The following RPP14 variants were observed in gnomAD, a reference collection of about 807,000 sequenced individuals.
The protein encoded by RPP14 is ribonuclease P/MRP subunit p14, also known as ribonuclease P protein subunit p14.
RPP14 carries 19 observed loss-of-function variants against 17.8 expected under a neutral mutation model. The observed-to-expected ratio is 1.07, with a 90% CI of 0.74 to 1.57. The LOEUF (loss-of-function observed/expected upper bound fraction) is 1.57, where lower values mean the gene tolerates loss of function less well. RPP14 is among the 40% of genes most tolerant of loss of function. The probability of loss-of-function intolerance (pLI) is 0.00; values close to 1 mark genes in which losing one functional copy is unlikely to be tolerated. For synonymous variants in RPP14, 60 were observed against 56.4 expected (o/e 1.06, Z -0.29); for missense variants, 125 against 140.8 (o/e 0.89, Z 0.57).
At position 58,310,569 on chromosome 3, in the gene RPP14, C is replaced by T; in HGVS notation, c.140C>T (p.Ala47Val). ...AAQFKQLLIS[A>V]VKDLFGEVDA... ...CAGTTCAAACAGCTGCTTATTTCGG[C>T]TGTGAAGGACCTGTTTGGGGAGGTA... The change falls in exon 3 of 6, where the codon GCT (alanine) becomes GTT (valine). Residue 47 changes from alanine to valine, a missense_variant. Physicochemically the swap from Ala to Val is moderately conservative, Grantham distance 64. Transcript: ENST00000295959. 6.2e-7 allele frequency: 1 copy of T among 1,612,574 alleles called. No individual in the cohort carries two copies.
intron 3 of RPP14, among the ~76,000 whole-genome samples, chr3:58,311,769 A>G (rs1159996572): frequency 2.6e-5 from 4 of 151,352 alleles, no homozygotes; most frequent in Non-Finnish European, 4.4e-5. Context: ...ATGAGCCACT[A>G]TGCCCAGCTG....
At chr3:58,310,033 C>T (rs6790485) in intron 1 of RPP14, 1 of 339,462 alleles carries the variant, frequency 2.9e-6, no homozygotes, top group Admixed American at 4.5e-5. Flanking sequence ...AACCCTGTCT[C>T]TACAAAAAAT....
chr3:58,306,695 C>G (rs960611562), intron 1 of RPP14: 5 of 152,284 alleles, frequency 3.3e-5, no homozygotes, highest in African/African-American at 1.2e-4. Context: ...GAAAGCCACC[C>G]AAGTGCTCAG....
At chr3:58,317,016 T>C (rs1398631636) in intron 5 of RPP14, 23 bp downstream of exon 5, 1 of 1,571,272 alleles carries the variant, frequency 6.4e-7, no homozygotes, top group African/African-American at 1.4e-5. Flanking sequence ...CCCTCACATA[T>C]TCCAAACAAG....
rs894946036 is a variant in RPP14, at chr3:58,317,086, T to C, written c.318+93T>C. ...CAACTCATTTTTGTGCTTGCATAAA[T>C]GTAATATGGTTAAAATGATCTAAGT... On this transcript the variant is annotated intron_variant, in intron 5 of 5. Coordinates refer to ENST00000295959, the MANE Select transcript of RPP14 (RefSeq NM_007042.6). The C allele has an allele frequency of 1.1e-5, 10 of 897,964 alleles. No individual in the cohort carries two copies. In the African/African-American group the frequency reaches 1.7e-4, roughly 15 times the overall value. 55.6% of individuals were successfully genotyped at this position (897,964 alleles called of 1,614,324 possible).
intron 1 of RPP14, chr3:58,306,673 T>C (rs2097475262): frequency 6.6e-6 from 1 of 152,242 alleles, no homozygotes; most frequent in Admixed American, 6.5e-5. Flanking sequence ...ATAGTGGTTG[T>C]TGAAAAATAT....
intron 3 of RPP14, among the ~76,000 whole-genome samples, chr3:58,313,344 CATT>C (rs1429237488): frequency 1.3e-5 from 2 of 152,156 alleles, no homozygotes; most frequent in African/African-American, 4.8e-5. Context: ...TGATTCAACT[CATT>C]ATTTTGTCAT....
intron 5 of RPP14, 149 bp from the exon 6 acceptor site, chr3:58,317,291 A>G (rs1426569963): frequency 1.6e-6 from 1 of 621,360 alleles, no homozygotes; most frequent in Non-Finnish European, 2.9e-6. Context: ...AGATGTGACC[A>G]CTTGTTATCG....
At chr3:58,312,017 C>T (rs544601573) in intron 3 of RPP14, among the ~76,000 whole-genome samples, 4 of 152,048 alleles carry the variant, frequency 2.6e-5, no homozygotes, top group East Asian at 1.9e-4. Context: ...GGACCACAGG[C>T]GTGTGCCACC....
At chr3:58,311,150 T>C (rs1389302700) in intron 3 of RPP14, among the ~76,000 whole-genome samples, 2 of 151,862 alleles carry the variant, frequency 1.3e-5, no homozygotes, top group Non-Finnish European at 2.9e-5. Flanking sequence ...TTGTTGTTGT[T>C]GTTGTTGTTG....
Position 58,316,909 on chromosome 3 carries a change from C to A in RPP14, c.240-6C>A. On this transcript the variant is annotated splice_polypyrimidine_tract_variant and splice_region_variant and intron_variant, in intron 4 of 5. Coordinates refer to ENST00000295959, the MANE Select transcript of RPP14 (RefSeq NM_007042.6). ...CACACTATGTATTTTCTTGATCTTTCTGCAGTGGTCTTGTCAAATTGTGGA... is the reference window on the plus strand; with the variant it reads ...CACACTATGTATTTTCTTGATCTTTATGCAGTGGTCTTGTCAAATTGTGGA... 1 of 1,610,330 alleles carries A rather than the reference C, an allele frequency of 6.2e-7. No individual in the cohort carries two copies. The highest frequency in any genetic ancestry group is 8.5e-7 in the Non-Finnish European group (1 of 1,177,532).
chr3:58,311,071 A>G (rs1193412039), intron 3 of RPP14, among the ~76,000 whole-genome samples: 1 of 151,168 alleles, frequency 6.6e-6, no homozygotes. Flanking sequence ...CATCCTCTCT[A>G]CCCTCCTACC....
At chr3:58,315,531 C>T (rs556041759) in intron 3 of RPP14, among the ~76,000 whole-genome samples, 1 of 152,252 alleles carries the variant, frequency 6.6e-6, no homozygotes, top group South Asian at 2.1e-4. Context: ...TAGGAGTAGA[C>T]ATACAATTGG....
Position 58,316,948 on chromosome 3 carries a change from G to A in RPP14, c.273G>A (p.Leu91=), listed in dbSNP as rs151055867. 2.5e-6 allele frequency: 4 copies of A among 1,613,894 alleles called. No homozygotes were observed. Among genetic ancestry groups the A allele is most frequent in the Non-Finnish European group, 3.4e-6 (4 of 1,179,938 alleles). Residue 91 remains leucine, a synonymous_variant, in exon 5 of 6, where the codon CTG becomes CTA. Coordinates refer to ENST00000295959, the MANE Select transcript of RPP14 (RefSeq NM_007042.6). The part of the protein sequence containing the change: ...GLVKLWSSLT[L]LGSYKGKKCA... The stretch of plus-strand genomic sequence containing the variant: ...TCAAATTGTGGAGCTCTTTGACCCT[G>A]TTAGGATCCTATAAAGGCAAAAAAT...
intron 3 of RPP14, among the ~76,000 whole-genome samples, chr3:58,312,772 C>T (rs926684239): frequency 2.6e-5 from 4 of 151,856 alleles, no homozygotes; most frequent in Admixed American, 2.6e-4. Flanking sequence ...ACTAGCCTGG[C>T]CAACGTGGTG....
intron 2 of RPP14, 46 bp downstream of exon 2, chr3:58,310,452 T>G: frequency 1.2e-6 from 2 of 1,603,144 alleles, no homozygotes; most frequent in Non-Finnish European, 1.7e-6. Context: ...TTTTCTAACA[T>G]GAATCTGAAT....
intron 1 of RPP14, among the ~76,000 whole-genome samples, chr3:58,307,043 G>C (rs1380562019): frequency 6.6e-6 from 1 of 152,352 alleles, no homozygotes; most frequent in East Asian, 1.9e-4. Context: ...TCCGGTGGCT[G>C]CCTGGAGGAA....
chr3:58,317,067 AT>A, intron 5 of RPP14, 74 bp downstream of exon 5: 1 of 1,056,004 alleles, frequency 9.5e-7, no homozygotes, highest in Non-Finnish European at 1.4e-6. Context: ...TACACAACTC[AT>A]TTTTGTGCTT....
Position 58,316,577 on chromosome 3 carries a change from G to A in RPP14, c.225G>A (p.Leu75=). 1 of 1,614,010 alleles carries A rather than the reference G, an allele frequency of 6.2e-7. No homozygotes were observed. The highest frequency in any genetic ancestry group is 8.5e-7 in the Non-Finnish European group (1 of 1,179,898). Residue 75 remains leucine, a synonymous_variant, in exon 4 of 6, where the codon TTG becomes TTA. Transcript: ENST00000295959. ...TYEEKTLSAI[L]RICSSGLVKL... The stretch of plus-strand genomic sequence containing the variant: ...AAGAGAAGACCTTGTCAGCCATCTT[G>A]AGAATATGTAGCAGGTATGACAGAG...
Sources: gnomAD v4.1 joint callset for allele counts (sites outside exome capture counted in the v4.1 genomes callset) on GRCh38, gnomAD v4.1.1 for gene constraint, MANE v1.5 for transcripts, NCBI Gene and HGNC (gene_info 2026-07-23, HGNC 2026-07-21) for gene names.